Variants in CNTNAP3B observed in about 807,000 individuals in gnomAD.
The protein encoded by CNTNAP3B is contactin-associated protein-like 3B.
CNTNAP3B carries 25 observed loss-of-function variants against 108.9 expected under a neutral mutation model. The observed-to-expected ratio is 0.23, with a 90% CI of 0.17 to 0.32. The LOEUF is 0.32. Ranked by LOEUF, CNTNAP3B falls within the 10% of genes least tolerant of loss-of-function variation. The pLI, the probability that CNTNAP3B is intolerant of heterozygous loss-of-function variation, is 1.00. For missense variants in CNTNAP3B, 252 were observed against 1,210.4 expected (o/e 0.21, Z 11.75); for synonymous variants, 103 against 473.4 (o/e 0.22, Z 10.16).
chr9:41,943,539 A>G (rs1209149190), intron 13 of CNTNAP3B, among the ~76,000 whole-genome samples: 1 of 151,740 alleles, frequency 6.6e-6, no homozygotes, highest in Non-Finnish European at 1.5e-5. Flanking sequence ...TTTTTAGTAG[A>G]GACGTGGTTT....
At chr9:42,086,275 G>T (rs1161337667) in intron 2 of CNTNAP3B, among the ~76,000 whole-genome samples, 9 of 140,170 alleles carry the variant, frequency 6.4e-5, no homozygotes, top group African/African-American at 2.5e-4. Flanking sequence ...CTCCCACTGG[G>T]TCCCTCCCAC....
intron 12 of CNTNAP3B, among the ~76,000 whole-genome samples, chr9:41,958,833 C>T (rs1326049733): frequency 1.3e-5 from 2 of 149,438 alleles, no homozygotes; most frequent in African/African-American, 5.0e-5. Flanking sequence ...TTCCTTTTCA[C>T]CTTCCCTTTC....
At chr9:42,035,906 G>A (rs1286149518) in intron 3 of CNTNAP3B, among the ~76,000 whole-genome samples, 8 of 141,228 alleles carry the variant, frequency 5.7e-5, no homozygotes, top group African/African-American at 2.2e-4. Flanking sequence ...CTCGGAGTTC[G>A]AGCCCAGCCT....
At chr9:42,070,727 C>A (rs1164485136) in intron 3 of CNTNAP3B, among the ~76,000 whole-genome samples, 3 of 152,280 alleles carry the variant, frequency 2.0e-5, no homozygotes, top group South Asian at 2.1e-4. Context: ...CAGTGCTGAT[C>A]GGCAGATCTC....
chr9:42,002,877 A>AT (rs1826027994), intron 4 of CNTNAP3B, among the ~76,000 whole-genome samples: 1 of 132,850 alleles, frequency 7.5e-6, no homozygotes, highest in Admixed American at 7.6e-5. Context: ...CTTACGCCAT[A>AT]TTTTATCTTC....
chr9:42,055,376 C>T (rs568156536), intron 3 of CNTNAP3B, among the ~76,000 whole-genome samples: 1 of 140,242 alleles, frequency 7.1e-6, no homozygotes, highest in South Asian at 2.2e-4. Context: ...AGAAAAATAT[C>T]TTGAAGTTCA....
intron 15 of CNTNAP3B, among the ~76,000 whole-genome samples, chr9:41,924,645 G>GCA (rs200851620): frequency 0.012 from 1,635 of 134,910 alleles, 5 homozygotes; most frequent in African/African-American, 0.036. Flanking sequence ...TTTCCTTCCT[G>GCA]CACACACACA....
intron 13 of CNTNAP3B, among the ~76,000 whole-genome samples, chr9:41,951,101 T>G: frequency 7.9e-6 from 1 of 127,332 alleles, no homozygotes; most frequent in Non-Finnish European, 1.7e-5. Flanking sequence ...ATCTTGACTG[T>G]ATGGATGTCA....
intron 3 of CNTNAP3B, among the ~76,000 whole-genome samples, chr9:42,033,102 A>C (rs1165812325): frequency 2.2e-5 from 3 of 138,166 alleles, no homozygotes; most frequent in African/African-American, 5.7e-5. Flanking sequence ...AAAGACAAAA[A>C]CTAAGTACTG....
At chr9:41,942,220 A>G (rs1824371045) in intron 13 of CNTNAP3B, among the ~76,000 whole-genome samples, 1 of 152,416 alleles carries the variant, frequency 6.6e-6, no homozygotes, top group African/African-American at 2.4e-5. Context: ...TCACGCCTGT[A>G]ATCCCAGCAC....
chr9:41,944,918 T>A (rs1464979052), intron 13 of CNTNAP3B, among the ~76,000 whole-genome samples: 1 of 152,232 alleles, frequency 6.6e-6, no homozygotes, highest in Non-Finnish European at 1.5e-5. Context: ...TAAACAAATT[T>A]ACAAGAAAAA....
At chr9:42,089,550 T>C (rs1827774285) in intron 2 of CNTNAP3B, among the ~76,000 whole-genome samples, 2 of 146,464 alleles carry the variant, frequency 1.4e-5, no homozygotes. Flanking sequence ...AAGTTTTCAT[T>C]AGGAGTTATA....
chr9:42,113,630 G>A (rs1401281693), intron 1 of CNTNAP3B, among the ~76,000 whole-genome samples: 1 of 139,564 alleles, frequency 7.2e-6, no homozygotes, highest in Non-Finnish European at 1.5e-5. Context: ...CCACAGCTGT[G>A]GGAATATAAG....
chr9:42,001,399 G>A lies in CNTNAP3B; in HGVS notation c.539-2795C>T, dbSNP rs533184605. 7.5e-5 allele frequency among the ~76,000 whole-genome samples: 10 copies of A among 132,746 alleles called. No individual in the cohort carries two copies. The South Asian group carries it at 1.5e-3, about 20-fold the overall frequency. The allele number at this position is 132,746 out of a possible 152,430, so 87.1% of individuals were successfully genotyped here. On this transcript the variant is annotated intron_variant, in intron 4 of 23. Transcript: ENST00000377561. ...ACTGCACCCCAGCCTGGGCAACACA[G>A]CAAGACCCCATTTCAAGAAAAAAAC...
chr9:41,955,556 G>A (rs1236384183), intron 12 of CNTNAP3B, among the ~76,000 whole-genome samples: 1 of 152,192 alleles, frequency 6.6e-6, no homozygotes, highest in African/African-American at 2.4e-5. Context: ...TTAGAGATAG[G>A]GTCTCCCTCT....
At chr9:41,920,864 C>A in intron 17 of CNTNAP3B, among the ~76,000 whole-genome samples, 1 of 152,424 alleles carries the variant, frequency 6.6e-6, no homozygotes, top group South Asian at 2.1e-4. Context: ...CACCATACCC[C>A]AGGATCTCCT....
intron 12 of CNTNAP3B, among the ~76,000 whole-genome samples, chr9:41,954,219 C>G (rs2721428): frequency 1.3e-5 from 2 of 152,312 alleles, no homozygotes; most frequent in South Asian, 4.1e-4. Flanking sequence ...ACTGGAGAAA[C>G]GAAGAAACAT....
chr9:41,972,936 C>CT (rs1212724871), intron 9 of CNTNAP3B, among the ~76,000 whole-genome samples: 5,907 of 47,832 alleles, frequency 0.12, 1,097 homozygotes, highest in Non-Finnish European at 0.17. Flanking sequence ...CTTAGGTTAT[C>CT]TTTTTTTTTT....
intron 13 of CNTNAP3B, among the ~76,000 whole-genome samples, chr9:41,950,850 T>C (rs1824655828): frequency 1.5e-5 from 2 of 130,384 alleles, no homozygotes; most frequent in Admixed American, 9.3e-5. Flanking sequence ...AAGCTCCACC[T>C]CCCGGGTTCA....
Sources: gnomAD v4.1 joint callset for allele counts (sites outside exome capture counted in the v4.1 genomes callset) on GRCh38, gnomAD v4.1.1 for gene constraint, MANE v1.5 for transcripts, NCBI Gene and HGNC (gene_info 2026-07-23, HGNC 2026-07-21) for gene names.